MACROD2: variants seen among roughly 807,000 people sequenced by gnomAD.
MACROD2 encodes the protein ADP-ribose glycohydrolase MACROD2.
MACROD2 carries 36 observed loss-of-function variants against 70.4 expected under a neutral mutation model. The observed-to-expected ratio is 0.51, with a 90% confidence interval of 0.39 to 0.68. The LOEUF is 0.68. Among genes scored for constraint, MACROD2 ranks in the 30% least tolerant of loss-of-function variants. The pLI is 0.00. For missense variants in MACROD2, 496 were observed against 538.4 expected (o/e 0.92, Z 0.78); for synonymous variants, 172 against 178.8 (o/e 0.96, Z 0.30).
At chr20:15,564,627 G>T (rs189190864) in intron 8 of MACROD2, among the ~76,000 whole-genome samples, 53 of 152,238 alleles carry the variant, frequency 3.5e-4, no homozygotes, top group Admixed American at 2.0e-3. Flanking sequence ...ATCATGATAT[G>T]AGGTGAAAAT....
chr20:14,478,833 T>G (rs2084628551), intron 3 of MACROD2, among the ~76,000 whole-genome samples: 1 of 152,140 alleles, frequency 6.6e-6, no homozygotes, highest in East Asian at 1.9e-4. Context: ...TTCCAAGATT[T>G]TTTGGTCTTA....
intron 5 of MACROD2, among the ~76,000 whole-genome samples, chr20:15,092,390 AAAT>A (rs932924183): frequency 6.7e-6 from 1 of 148,652 alleles, no homozygotes; most frequent in Non-Finnish European, 1.5e-5. Flanking sequence ...AGTATTCATT[AAAT>A]AATTTTATTA....
At chr20:14,720,066 A>G (rs1401429090) in intron 5 of MACROD2, among the ~76,000 whole-genome samples, 1 of 152,194 alleles carries the variant, frequency 6.6e-6, no homozygotes, top group Non-Finnish European at 1.5e-5. Flanking sequence ...CATATAATAT[A>G]AAACAGAGGA....
chr20:14,036,155 A>G (rs879943106), intron 2 of MACROD2, among the ~76,000 whole-genome samples: 77 of 152,172 alleles, frequency 5.1e-4, no homozygotes, highest in Non-Finnish European at 8.8e-4. Flanking sequence ...AAAAAAAAAA[A>G]GCTAGCAGAC....
At chr20:15,658,092 A>G (rs2049758689) in intron 8 of MACROD2, among the ~76,000 whole-genome samples, 1 of 152,216 alleles carries the variant, frequency 6.6e-6, no homozygotes, top group Non-Finnish European at 1.5e-5. Context: ...GGGAGCTAAT[A>G]GCAGAGCTTG....
chr20:15,741,778 T>C (rs966393777), intron 8 of MACROD2, among the ~76,000 whole-genome samples: 3 of 152,154 alleles, frequency 2.0e-5, no homozygotes, highest in African/African-American at 7.2e-5. Flanking sequence ...TTAGTCTGAC[T>C]CACTCCTCCC....
chr20:14,875,206 C>G (rs6074811), intron 5 of MACROD2, among the ~76,000 whole-genome samples: 37,295 of 151,466 alleles, frequency 0.25, 5,005 homozygotes, highest in African/African-American at 0.34. Flanking sequence ...CATAGTGAAA[C>G]CCCATCTCTA....
intron 4 of MACROD2, among the ~76,000 whole-genome samples, chr20:14,552,593 T>G (rs1293755832): frequency 6.6e-6 from 1 of 152,006 alleles, no homozygotes; most frequent in African/African-American, 2.4e-5. Context: ...TGTTGTTGTG[T>G]GAACATCATA....
intron 4 of MACROD2, among the ~76,000 whole-genome samples, chr20:14,675,129 T>G (rs2123569984): frequency 6.6e-6 from 1 of 152,290 alleles, no homozygotes; most frequent in African/African-American, 2.4e-5. Context: ...GAAAGCACTC[T>G]TCAGGATATT....
chr20:14,456,883 AC>A lies in MACROD2; in HGVS notation c.272-36595del, dbSNP rs1167166997. ...AGGTGCCCACCACCACGCCCGGCCA[AC>A]TTTTTTGTATTTTTAGTAGAGACGG... On this transcript the variant is annotated intron_variant, in intron 3 of 17. Coordinates refer to ENST00000684519, the MANE Select transcript of MACROD2 (RefSeq NM_001351661.2). 4.0e-3 allele frequency among the ~76,000 whole-genome samples: 606 copies of A among 150,886 alleles called. 9 individuals carry two copies. Among genetic ancestry groups the A allele is most frequent in the African/African-American group, 0.014 (575 of 40,410 alleles).
intron 15 of MACROD2, among the ~76,000 whole-genome samples, chr20:16,006,013 G>C (rs891126754): frequency 1.3e-5 from 2 of 152,112 alleles, no homozygotes; most frequent in Admixed American, 6.5e-5. Context: ...AATCCTTAAG[G>C]GAGATCAGTT....
intron 12 of MACROD2, among the ~76,000 whole-genome samples, chr20:15,955,439 G>A (rs2065963168): frequency 6.6e-6 from 1 of 152,110 alleles, no homozygotes; most frequent in Non-Finnish European, 1.5e-5. Flanking sequence ...TTCCTTCTCA[G>A]AACATTCTCT....
At chr20:15,673,051 A>G (rs1043970223) in intron 8 of MACROD2, among the ~76,000 whole-genome samples, 5 of 152,162 alleles carry the variant, frequency 3.3e-5, no homozygotes, top group African/African-American at 1.2e-4. Context: ...CCATGAGTCC[A>G]TTAAACCTCT....
intron 8 of MACROD2, among the ~76,000 whole-genome samples, chr20:15,634,488 C>A (rs2049335775): frequency 6.6e-6 from 1 of 152,194 alleles, no homozygotes; most frequent in Non-Finnish European, 1.5e-5. Flanking sequence ...GGATGTTAAA[C>A]AGAAAAGGTC....
chr20:15,614,195 G>A (rs1600668887), intron 8 of MACROD2, among the ~76,000 whole-genome samples: 2 of 152,084 alleles, frequency 1.3e-5, no homozygotes, highest in Admixed American at 1.3e-4. Flanking sequence ...AGCACCTAAC[G>A]TCATGCCAAA....
At chr20:15,282,102 G>A (rs2077450928) in intron 6 of MACROD2, among the ~76,000 whole-genome samples, 3 of 152,190 alleles carry the variant, frequency 2.0e-5, no homozygotes, top group Admixed American at 2.0e-4. Flanking sequence ...GGGACTCAAG[G>A]CACCAAGTCC....
intron 2 of MACROD2, among the ~76,000 whole-genome samples, chr20:14,016,305 G>C (rs993867416): frequency 2.4e-4 from 37 of 152,230 alleles, no homozygotes; most frequent in African/African-American, 8.2e-4. Context: ...GTATGTTCTG[G>C]ATATTAATTC....
intron 3 of MACROD2, among the ~76,000 whole-genome samples, chr20:14,089,102 C>A (rs929254583): frequency 1.3e-5 from 2 of 152,168 alleles, no homozygotes; most frequent in Non-Finnish European, 2.9e-5. Context: ...CAGGCAGCAA[C>A]TTTTGCTTAC....
intron 5 of MACROD2, among the ~76,000 whole-genome samples, chr20:14,962,383 T>C (rs186468205): frequency 6.6e-6 from 1 of 151,602 alleles, no homozygotes; most frequent in Admixed American, 6.6e-5. Flanking sequence ...ACTGCATCCT[T>C]GACCTCCTGG....
Sources: gnomAD v4.1 joint callset for allele counts (sites outside exome capture counted in the v4.1 genomes callset) on GRCh38, gnomAD v4.1.1 for gene constraint, MANE v1.5 for transcripts, NCBI Gene and HGNC (gene_info 2026-07-23, HGNC 2026-07-21) for gene names.